The following GCH1 variants were observed in gnomAD, a reference collection of about 807,000 sequenced individuals.
The protein encoded by GCH1 is GTP cyclohydrolase 1.
GCH1 carries 5 observed loss-of-function variants against 25.9 expected under a neutral mutation model. The ratio of observed to expected loss-of-function variants is 0.19; its 90% CI spans 0.10 to 0.41. The LOEUF (loss-of-function observed/expected upper bound fraction) is 0.41. GCH1 is among the 10% of genes least tolerant of loss of function. GCH1 has a pLI of 1.00. For missense variants in GCH1, 261 were observed against 336.5 expected (o/e 0.78, Z 1.75); for synonymous variants, 159 against 129.6 (o/e 1.23, Z -1.54).
rs143432574 is a variant in GCH1, at chr14:54,864,619, C to T, written c.453+708G>A. Among the ~76,000 whole-genome samples, 1,095 of 152,230 alleles carry T rather than the reference C, an allele frequency of 7.2e-3. 15 individuals are homozygous for T. Among genetic ancestry groups the T allele is most frequent in the African/African-American group, 0.024 (1,010 of 41,530 alleles). The stretch of plus-strand genomic sequence containing the variant: ...GTTATACCTCTTAAGTCCCTTTTGT[C>T]CTAAAATAGTGCTCCCACCCATAAT... On this transcript the variant is annotated intron_variant, in intron 2 of 5. Coordinates refer to ENST00000491895, the MANE Select transcript of GCH1 (RefSeq NM_000161.3).
intron 3 of GCH1, among the ~76,000 whole-genome samples, chr14:54,849,275 A>T (rs77416742): frequency 0.088 from 13,382 of 152,140 alleles, 920 homozygotes; most frequent in Non-Finnish European, 0.13. Flanking sequence ...GTTTTCTTTT[A>T]CAAGTGAGGA....
At chr14:54,897,371 T>C (rs73280573) in intron 1 of GCH1, among the ~76,000 whole-genome samples, 63,342 of 145,800 alleles carry the variant, frequency 0.43, 14,842 homozygotes, top group African/African-American at 0.65. Context: ...TCACTGCAAT[T>C]TCCGCCTCCT....
chr14:54,858,421 G>A (rs1287203716), intron 3 of GCH1, among the ~76,000 whole-genome samples: 2 of 152,046 alleles, frequency 1.3e-5, no homozygotes, highest in Non-Finnish European at 2.9e-5. Context: ...GATTAGCTGG[G>A]ATTACAGGTG....
chr14:54,852,796 G>A (rs11626298), intron 3 of GCH1, among the ~76,000 whole-genome samples: 66,393 of 151,848 alleles, frequency 0.44, 16,278 homozygotes, highest in African/African-American at 0.67. Context: ...ATCTCTGATA[G>A]TTCTACTATC....
rs190745798 is a variant in GCH1, at chr14:54,865,525, G to A, written c.344-89C>T. 154 of 719,346 alleles carry A rather than the reference G, an allele frequency of 2.1e-4. 2 individuals carry two copies. The highest frequency in any genetic ancestry group is 8.2e-4 in the Middle Eastern group (3 of 3,654). The allele number at this position is 719,346 out of a possible 1,614,324, so 44.6% of individuals were successfully genotyped here. On this transcript the variant is annotated intron_variant, in intron 1 of 5. Coordinates refer to ENST00000491895, the MANE Select transcript of GCH1 (RefSeq NM_000161.3). ...ACATGAATAGACAGTCAACATAAAC[G>A]AACGTTAATCCTCCCTAAAATATTA... is the stretch of plus-strand genomic sequence containing the variant.
intron 1 of GCH1, among the ~76,000 whole-genome samples, chr14:54,876,128 A>G (rs951788777): frequency 2.0e-5 from 3 of 152,250 alleles, no homozygotes; most frequent in Non-Finnish European, 4.4e-5. Context: ...TTGGATTAAG[A>G]AAATGTGGCA....
intron 1 of GCH1, 139 bp from the exon 2 acceptor site, chr14:54,865,575 AT>A: frequency 1.5e-6 from 1 of 652,120 alleles, no homozygotes; most frequent in Non-Finnish European, 2.8e-6. Flanking sequence ...AAAACTAGAT[AT>A]TTTTCCTTAT....
intron 1 of GCH1, among the ~76,000 whole-genome samples, chr14:54,866,796 T>C (rs977987006): frequency 8.5e-5 from 13 of 152,156 alleles, no homozygotes; most frequent in Non-Finnish European, 1.3e-4. Context: ...TACATTTGAC[T>C]GTGTCATAGA....
At position 54,859,809 on chromosome 14, in the gene GCH1, T is replaced by C. The variant is rs769686497; in HGVS notation, c.454-73A>G. 17 of 812,574 alleles carry C rather than the reference T, an allele frequency of 2.1e-5. No homozygotes were observed. In the African/African-American group the frequency reaches 2.2e-4, roughly 10 times the overall value. The allele number at this position is 812,574 out of a possible 1,614,324, so 50.3% of individuals were successfully genotyped here. A position where few individuals can be genotyped will look rare whatever the true frequency, so the allele number is the denominator to read the frequency against. On this transcript the variant is annotated intron_variant, in intron 2 of 5. Transcript: ENST00000491895. ...TTCTTTGTGACAAAATAAGGAAATA[T>C]AGAAAGAATATAGTACACTTTTATG...
chr14:54,870,974 C>G (rs926056995), intron 1 of GCH1, among the ~76,000 whole-genome samples: 1 of 152,174 alleles, frequency 6.6e-6, no homozygotes, highest in Non-Finnish European at 1.5e-5. Context: ...CTTAAAAGTC[C>G]CTGTCTGACA....
chr14:54,879,896 A>G (rs754585982), intron 1 of GCH1, among the ~76,000 whole-genome samples: 17 of 149,878 alleles, frequency 1.1e-4, no homozygotes, highest in Non-Finnish European at 1.9e-4. Flanking sequence ...GAGGCAGGAG[A>G]ATCGTTTGAT....
chr14:54,878,457 A>C (rs528146997), intron 1 of GCH1, among the ~76,000 whole-genome samples: 117 of 152,298 alleles, frequency 7.7e-4, no homozygotes, highest in African/African-American at 2.7e-3. Context: ...AATTAAATCA[A>C]CTCAAGGTGC....
chr14:54,880,111 A>C (rs908391457), intron 1 of GCH1, among the ~76,000 whole-genome samples: 1 of 150,644 alleles, frequency 6.6e-6, no homozygotes, highest in Non-Finnish European at 1.5e-5. Flanking sequence ...ACTGCACTCC[A>C]GTCTGGGCAA....
chr14:54,846,908 A>G (rs1436060216), intron 4 of GCH1, among the ~76,000 whole-genome samples, 191 bp downstream of exon 4: 1 of 152,176 alleles, frequency 6.6e-6, no homozygotes, highest in Non-Finnish European at 1.5e-5. Flanking sequence ...TAGAAATACA[A>G]AAATTAGCCA....
intron 1 of GCH1, among the ~76,000 whole-genome samples, chr14:54,887,486 T>A (rs1482779007): frequency 2.0e-5 from 3 of 152,212 alleles, no homozygotes; most frequent in African/African-American, 7.2e-5. Flanking sequence ...ACCTCTCTGA[T>A]AAAGCAGTGG....
At chr14:54,889,409 T>TG (rs2040396696) in intron 1 of GCH1, among the ~76,000 whole-genome samples, 2 of 152,218 alleles carry the variant, frequency 1.3e-5, no homozygotes, top group African/African-American at 4.8e-5. Flanking sequence ...TGTTTGCCAA[T>TG]GGCCTCTATT....
rs1440575856 is a variant in GCH1 at position 54,902,691 on chromosome 14, G to C, written c.-28C>G. 2 of 1,432,880 alleles carry C rather than the reference G, an allele frequency of 1.4e-6. No homozygotes were observed. The highest frequency in any genetic ancestry group is 1.8e-6 in the Non-Finnish European group (2 of 1,099,524). The allele number at this position is 1,432,880 out of a possible 1,614,324, so 88.8% of individuals were successfully genotyped here. A position where few individuals can be genotyped will look rare whatever the true frequency, so the allele number is the denominator to read the frequency against. ...ACCCGCCGCAGCCGCTGCCGTTCGG[G>C]AAGGACCCCGGGGCGCTTCGAGGTC... On this transcript the variant is annotated 5_prime_UTR_variant, in exon 1 of 6. Coordinates refer to ENST00000491895, the MANE Select transcript of GCH1 (RefSeq NM_000161.3).
intron 1 of GCH1, among the ~76,000 whole-genome samples, chr14:54,876,582 C>A (rs997653686): frequency 6.6e-6 from 1 of 151,984 alleles, no homozygotes. Context: ...TCCCTTGAAC[C>A]CAGGATAGGA....
rs2039576394 is a variant in GCH1 at position 54,842,672 on chromosome 14, G to A, written c.*1345C>T. 4.4e-6 allele frequency: 1 copy of A among 228,334 alleles called. No homozygotes were observed. The highest frequency in any genetic ancestry group is 2.3e-5 in the African/African-American group (1 of 44,362). The allele number at this position is 228,334 out of a possible 1,614,324, so 14.1% of individuals were successfully genotyped here. ...CAAGCATCAAAGTTATTACTTTTAGGGTAATGGGATGAATTTGAAGAGCAC... is the reference window on the plus strand; with the variant it reads ...CAAGCATCAAAGTTATTACTTTTAGAGTAATGGGATGAATTTGAAGAGCAC... On this transcript the variant is annotated 3_prime_UTR_variant, in exon 6 of 6. Coordinates refer to ENST00000491895, the MANE Select transcript of GCH1 (RefSeq NM_000161.3).
Sources: allele counts gnomAD v4.1 joint callset (sites outside exome capture counted in the v4.1 genomes callset), GRCh38; gene constraint gnomAD v4.1.1; transcripts MANE v1.5; gene names NCBI Gene and HGNC (gene_info 2026-07-23, HGNC 2026-07-21).